The following BPI variants were observed in gnomAD, a reference collection of about 807,000 sequenced individuals.
BPI encodes bactericidal permeability increasing protein.
In BPI, 48 loss-of-function variants were observed where a neutral mutation model predicts 57.6. The observed-to-expected ratio is 0.83, with a 90% confidence interval of 0.66 to 1.06. The LOEUF (loss-of-function observed/expected upper bound fraction) is 1.06, where lower values mean the gene tolerates loss of function less well. Ranked by LOEUF, BPI falls within the 50% of genes least tolerant of loss-of-function variation. BPI has a pLI of 0.00. For synonymous variants in BPI, 237 were observed against 238.2 expected (o/e 0.99, Z 0.05); for missense variants, 651 against 609.7 (o/e 1.07, Z -0.71).
chr20:38,311,145 G>T (rs1352950863), intron 4 of BPI, among the ~76,000 whole-genome samples: 1 of 152,198 alleles, frequency 6.6e-6, no homozygotes, highest in Non-Finnish European at 1.5e-5. Flanking sequence ...ACTCTGTGAG[G>T]TCGGTCTATT....
At chr20:38,319,957 A>G in intron 6 of BPI, 1 of 551,816 alleles carries the variant, frequency 1.8e-6, no homozygotes. Context: ...TTAGCGACTC[A>G]TCTCAGGGCT....
chr20:38,314,316 A>T (rs1401263608), intron 5 of BPI, among the ~76,000 whole-genome samples: 21 of 134,256 alleles, frequency 1.6e-4, no homozygotes, highest in Non-Finnish European at 3.0e-4. Context: ...GGTGATGGTG[A>T]TGGTGATAGT....
At chr20:38,321,417 A>G (rs1483411480) in intron 7 of BPI, among the ~76,000 whole-genome samples, 1 of 152,010 alleles carries the variant, frequency 6.6e-6, no homozygotes, top group Admixed American at 6.6e-5. Flanking sequence ...ACCTCAGGGC[A>G]TTTGTCCTAG....
chr20:38,317,720 G>C (rs1200260448), intron 5 of BPI: 1 of 1,051,100 alleles, frequency 9.5e-7, no homozygotes, highest in East Asian at 2.6e-5. Context: ...TTACAGAAGA[G>C]CAAATGGAAT....
intron 12 of BPI, 59 bp downstream of exon 12, chr20:38,331,149 A>T: frequency 6.4e-7 from 1 of 1,560,622 alleles, no homozygotes; most frequent in Non-Finnish European, 8.8e-7. Context: ...GGGGAGGGGG[A>T]CATGTCATAG....
chr20:38,311,665 C>A (rs938891563), intron 4 of BPI, among the ~76,000 whole-genome samples: 2 of 151,992 alleles, frequency 1.3e-5, no homozygotes, highest in East Asian at 1.9e-4. Context: ...GGGGGCCCAG[C>A]CATGCAGGGA....
chr20:38,308,983 A>T lies in BPI; in HGVS notation c.299A>T (p.Asn100Ile), dbSNP rs761505075. Residue 100 changes from asparagine to isoleucine, a missense_variant, in exon 3 of 15, where the codon AAT (asparagine) becomes ATT (isoleucine). By Grantham distance (149) the Asn-to-Ile change is moderately radical (BLOSUM62 -3). Coordinates refer to ENST00000642449, the MANE Select transcript of BPI (RefSeq NM_001725.3). ...LPSSQISMVPNVGLKFSISNA... is the reference protein window; with the variant it reads ...LPSSQISMVPIVGLKFSISNA... ...AGTTCCCAGATAAGCATGGTGCCCA[A>T]TGTGGGCCTTAAGTTCTCCATCAGC... 2 of 1,614,204 alleles carry T rather than the reference A, an allele frequency of 1.2e-6. No homozygotes were observed. Among genetic ancestry groups the T allele is most frequent in the African/African-American group, 2.7e-5 (2 of 75,046 alleles).
chr20:38,320,960 TGGTG>T (rs2076679456), intron 7 of BPI, among the ~76,000 whole-genome samples: 1 of 37,372 alleles, frequency 2.7e-5, no homozygotes, highest in Non-Finnish European at 5.2e-5. Flanking sequence ...GTGGGTGTGT[TGGTG>T]GGTGGATGGA....
At chr20:38,324,867 C>T (rs758364259) in intron 9 of BPI, 34 bp downstream of exon 9, 27 of 1,560,776 alleles carry the variant, frequency 1.7e-5, no homozygotes, top group Middle Eastern at 1.7e-4. Context: ...TAGTGAGCCC[C>T]GGGGGTTCTG....
chr20:38,327,596 T>C lies in BPI; in HGVS notation c.1170T>C (p.Thr390=), dbSNP rs2076719885. ...GGTTGTTGTTTTGGCAGCACACAACTGGTTCCATGGAGGTCAGCGCCGAGT... is the reference window on the plus strand; with the variant it reads ...GGTTGTTGTTTTGGCAGCACACAACCGGTTCCATGGAGGTCAGCGCCGAGT... ...ASLFLIGMHT[T]GSMEVSAESN... The change falls in exon 11 of 15, where the codon ACT becomes ACC. Residue 390 remains threonine (T), a synonymous_variant. Coordinates refer to ENST00000642449, the MANE Select transcript of BPI (RefSeq NM_001725.3). The C allele has an allele frequency of 6.2e-7, 1 of 1,613,170 alleles. No homozygotes were observed. The highest frequency in any genetic ancestry group is 1.1e-5 in the South Asian group (1 of 91,056).
rs1444011386 is a variant in BPI, at chr20:38,311,946, G to A, written c.600+9G>A. Reference sequence around the variant, plus strand: ...ACAAGATGAACAGCCAGGTAGGAGGGGCTCAGAGCCCCATCAGCAAACAGA... The same window carrying A: ...ACAAGATGAACAGCCAGGTAGGAGGAGCTCAGAGCCCCATCAGCAAACAGA... On this transcript the variant is annotated intron_variant, in intron 5 of 14. Transcript: ENST00000642449. 1.9e-6 allele frequency: 3 copies of A among 1,613,448 alleles called. No individual in the cohort carries two copies. The highest frequency in any genetic ancestry group is 2.5e-6 in the Non-Finnish European group (3 of 1,179,810).
intron 13 of BPI, among the ~76,000 whole-genome samples, chr20:38,335,218 C>T (rs1262852857): frequency 6.6e-6 from 1 of 152,110 alleles, no homozygotes; most frequent in African/African-American, 2.4e-5. Context: ...CACTGTCCAC[C>T]TCTGGCTTTA....
At chr20:38,331,709 G>A (rs2076743398) in intron 12 of BPI, among the ~76,000 whole-genome samples, 1 of 152,016 alleles carries the variant, frequency 6.6e-6, no homozygotes. Flanking sequence ...TGGGTGTGGT[G>A]GCATGCACAT....
intron 8 of BPI, 97 bp downstream of exon 8, chr20:38,324,143 G>C: frequency 7.2e-7 from 1 of 1,392,900 alleles, no homozygotes; most frequent in Non-Finnish European, 9.7e-7. Flanking sequence ...TCACATTGGG[G>C]TAGGTTAAAG....
intron 5 of BPI, chr20:38,318,118 C>G (rs1207172594): frequency 1.2e-6 from 1 of 833,472 alleles, no homozygotes; most frequent in East Asian, 1.2e-4. Context: ...ACAACAACAG[C>G]AACAAAAAAA....
intron 7 of BPI, among the ~76,000 whole-genome samples, chr20:38,321,059 AGGTG>A (rs1312019020): frequency 5.0e-4 from 1 of 2,010 alleles, no homozygotes; most frequent in Admixed American, 6.9e-3. Flanking sequence ...ATGTAAAGGT[AGGTG>A]GGTGGGTGGG....
At chr20:38,335,873 T>C (rs1217112568) in intron 14 of BPI, among the ~76,000 whole-genome samples, 199 bp downstream of exon 14, 3 of 152,218 alleles carry the variant, frequency 2.0e-5, no homozygotes, top group Non-Finnish European at 4.4e-5. Context: ...GAAGTCCAGA[T>C]TCAAAGCCAG....
chr20:38,334,251 T>C (rs5743540), intron 12 of BPI, among the ~76,000 whole-genome samples, 179 bp from the exon 13 acceptor site: 29 of 152,330 alleles, frequency 1.9e-4, no homozygotes, highest in Middle Eastern at 3.4e-3. Context: ...ATGACCTTGA[T>C]TGGGCTGCCA....
At chr20:38,331,112 G>C (rs1305733743) in intron 12 of BPI, 22 bp downstream of exon 12, 2 of 1,613,028 alleles carry the variant, frequency 1.2e-6, no homozygotes, top group South Asian at 2.2e-5. Context: ...GCCCTTGGTG[G>C]CTTCTTCCTC....
Sources: allele counts gnomAD v4.1 joint callset (sites outside exome capture counted in the v4.1 genomes callset), GRCh38; gene constraint gnomAD v4.1.1; transcripts MANE v1.5; gene names NCBI Gene and HGNC (gene_info 2026-07-23, HGNC 2026-07-21).